The following PTPRD variants were observed in gnomAD, a reference collection of about 807,000 sequenced individuals.
PTPRD encodes the protein receptor-type tyrosine-protein phosphatase delta.
A neutral mutation model predicts 214.5 loss-of-function variants in PTPRD; 34 were observed. That is an observed-to-expected ratio of 0.16 (90% CI 0.12 to 0.21). The LOEUF is 0.21. Ranked by LOEUF, PTPRD falls within the 10% of genes least tolerant of loss-of-function variation. The probability of loss-of-function intolerance (pLI) is 1.00; values close to 1 mark genes in which losing one functional copy is unlikely to be tolerated. For missense variants in PTPRD, 2,545 were observed against 2,398.7 expected (o/e 1.06, Z -1.27); for synonymous variants, 1,128 against 845.7 (o/e 1.33, Z -5.79).
chr9:8,506,549 C>T (rs1592265253), intron 22 of PTPRD, among the ~76,000 whole-genome samples: 3 of 152,118 alleles, frequency 2.0e-5, no homozygotes, highest in South Asian at 2.1e-4. Context: ...TCCACTAGTG[C>T]GAGACTTTGA....
At chr9:9,298,739 T>C (rs1954092945) in intron 9 of PTPRD, among the ~76,000 whole-genome samples, 1 of 151,762 alleles carries the variant, frequency 6.6e-6, no homozygotes, top group Non-Finnish European at 1.5e-5. Context: ...TAATTCCTCC[T>C]CTTCTCTGAA....
intron 3 of PTPRD, among the ~76,000 whole-genome samples, chr9:10,284,012 T>TGAGG: frequency 6.6e-6 from 1 of 152,212 alleles, no homozygotes; most frequent in African/African-American, 2.4e-5. Flanking sequence ...TTTTCTGCTC[T>TGAGG]TATTTCTTAA....
chr9:10,219,065 C>T (rs2099554307), intron 3 of PTPRD, among the ~76,000 whole-genome samples: 1 of 151,652 alleles, frequency 6.6e-6, no homozygotes, highest in Non-Finnish European at 1.5e-5. Context: ...CAAAGCTGTG[C>T]CACAAGCTGT....
chr9:8,711,763 C>T (rs1036218941), intron 12 of PTPRD, among the ~76,000 whole-genome samples: 7 of 152,176 alleles, frequency 4.6e-5, no homozygotes, highest in African/African-American at 4.8e-5. Context: ...ACTGATAAAA[C>T]GTATTTCTCC....
At chr9:9,927,650 C>T (rs535557885) in intron 5 of PTPRD, among the ~76,000 whole-genome samples, 39 of 152,170 alleles carry the variant, frequency 2.6e-4, no homozygotes, top group East Asian at 3.9e-4. Context: ...CTAAATACAC[C>T]GTGCATCTCC....
At chr9:8,748,713 A>G (rs760200410) in intron 11 of PTPRD, among the ~76,000 whole-genome samples, 1 of 152,004 alleles carries the variant, frequency 6.6e-6, no homozygotes, top group Non-Finnish European at 1.5e-5. Context: ...GGAGTTCAAG[A>G]CCAGCCTGAC....
intron 10 of PTPRD, among the ~76,000 whole-genome samples, chr9:9,025,118 T>C (rs1281203437): frequency 2.6e-5 from 4 of 152,096 alleles, no homozygotes. Flanking sequence ...AGTTATATTT[T>C]ACTTTTTCCC....
chr9:10,297,359 T>G (rs924633800), intron 3 of PTPRD, among the ~76,000 whole-genome samples: 1 of 151,954 alleles, frequency 6.6e-6, no homozygotes, highest in African/African-American at 2.4e-5. Context: ...ATTTTGTATA[T>G]CCCTTTGCAC....
chr9:10,461,621 CTTT>C (rs745654705), intron 2 of PTPRD, among the ~76,000 whole-genome samples: 8 of 133,050 alleles, frequency 6.0e-5, no homozygotes, highest in African/African-American at 8.3e-5. Flanking sequence ...GCATGACATT[CTTT>C]TTTTTTTTTT....
chr9:9,341,354 T>G (rs1261380451), intron 9 of PTPRD, among the ~76,000 whole-genome samples: 1 of 152,098 alleles, frequency 6.6e-6, no homozygotes, highest in African/African-American at 2.4e-5. Flanking sequence ...TCCATTCAGT[T>G]GTTGCTCCAA....
chr9:9,562,556 C>G (rs1209861502), intron 8 of PTPRD, among the ~76,000 whole-genome samples: 1 of 152,162 alleles, frequency 6.6e-6, no homozygotes, highest in African/African-American at 2.4e-5. Flanking sequence ...ATTCTGACCT[C>G]AGGTCCTAGA....
rs553688471 is a variant in PTPRD, at chr9:9,048,954, A to G, written c.-142-30219T>C. 1.3e-4 allele frequency among the ~76,000 whole-genome samples: 20 copies of G among 152,314 alleles called. No homozygotes were observed. The South Asian group carries it at 2.3e-3, about 17-fold the overall frequency. Reference sequence around the variant, plus strand: ...ATATATGCATCTACTATGTACCCAGAAAATTAAAAGTTAACAAAATTTTAA... The same window carrying G: ...ATATATGCATCTACTATGTACCCAGGAAATTAAAAGTTAACAAAATTTTAA... On this transcript the variant is annotated intron_variant, in intron 10 of 45. Coordinates refer to ENST00000381196, the MANE Select transcript of PTPRD (RefSeq NM_002839.4).
At chr9:9,367,765 C>T (rs2058284582) in intron 9 of PTPRD, among the ~76,000 whole-genome samples, 1 of 151,666 alleles carries the variant, frequency 6.6e-6, no homozygotes. Flanking sequence ...TATATGCTAA[C>T]TCGAATTTGC....
At chr9:10,050,997 T>C (rs2097526472) in intron 3 of PTPRD, among the ~76,000 whole-genome samples, 1 of 152,128 alleles carries the variant, frequency 6.6e-6, no homozygotes, top group Non-Finnish European at 1.5e-5. Context: ...GTGTAAAATA[T>C]ATATTATCCC....
chr9:8,980,225 A>C (rs1265853771), intron 11 of PTPRD, among the ~76,000 whole-genome samples: 2 of 151,990 alleles, frequency 1.3e-5, no homozygotes, highest in African/African-American at 4.8e-5. Context: ...GTTTATCATC[A>C]GTGGGGGTGG....
intron 3 of PTPRD, among the ~76,000 whole-genome samples, chr9:10,147,516 C>G (rs914656987): frequency 6.6e-6 from 1 of 152,122 alleles, no homozygotes; most frequent in Admixed American, 6.6e-5. Flanking sequence ...TTTTACTCCA[C>G]TAGTCAAAAT....
chr9:9,559,541 C>T (rs1389728092), intron 8 of PTPRD, among the ~76,000 whole-genome samples: 1 of 152,234 alleles, frequency 6.6e-6, no homozygotes, highest in East Asian at 1.9e-4. Flanking sequence ...TTGGCTGTCT[C>T]AGCCTCATCA....
chr9:10,410,330 A>G (rs1179853818), intron 2 of PTPRD, among the ~76,000 whole-genome samples: 3 of 145,628 alleles, frequency 2.1e-5, no homozygotes, highest in Non-Finnish European at 4.5e-5. Flanking sequence ...AATTTATGAT[A>G]TATTTTACAT....
At chr9:9,415,467 C>G (rs1229908501) in intron 8 of PTPRD, among the ~76,000 whole-genome samples, 3 of 152,016 alleles carry the variant, frequency 2.0e-5, no homozygotes, top group African/African-American at 7.3e-5. Flanking sequence ...GAGCAAGACC[C>G]TGTCTCAAAA....
Sources: gnomAD v4.1 joint callset for allele counts (sites outside exome capture counted in the v4.1 genomes callset) on GRCh38, gnomAD v4.1.1 for gene constraint, MANE v1.5 for transcripts, NCBI Gene and HGNC (gene_info 2026-07-23, HGNC 2026-07-21) for gene names.